The following HCN1 variants were observed in gnomAD, a reference collection of about 807,000 sequenced individuals.
HCN1 encodes the protein hyperpolarization activated cyclic nucleotide gated potassium channel 1, also known as potassium/sodium hyperpolarization-activated cyclic nucleotide-gated channel 1.
A neutral mutation model predicts 78.9 loss-of-function variants in HCN1; 13 were observed. That is an observed-to-expected ratio of 0.16 (90% confidence interval 0.11 to 0.26). The LOEUF is 0.26. Among genes scored for constraint, HCN1 ranks in the 10% least tolerant of loss-of-function variants. The probability of loss-of-function intolerance (pLI) is 1.00; values close to 1 mark genes in which losing one functional copy is unlikely to be tolerated. For synonymous variants in HCN1, 552 were observed against 455.5 expected, an observed-to-expected ratio of 1.21 and a Z score of -2.70; for missense variants, 810 against 1,154.3, an observed-to-expected ratio of 0.70 and a Z score of 4.32.
At chr5:45,602,974 T>C (rs978630753) in intron 2 of HCN1, among the ~76,000 whole-genome samples, 8 of 152,098 alleles carry the variant, frequency 5.3e-5, no homozygotes, top group Non-Finnish European at 8.8e-5. Context: ...TCTGTCCAAT[T>C]CCACAGGGAA....
chr5:45,508,126 A>G (rs1041718749), intron 2 of HCN1, among the ~76,000 whole-genome samples: 14 of 152,168 alleles, frequency 9.2e-5, no homozygotes, highest in African/African-American at 3.4e-4. Flanking sequence ...TTAAAAGCCT[A>G]CTGTGAAAGC....
intron 5 of HCN1, among the ~76,000 whole-genome samples, chr5:45,351,821 A>T (rs1475737822): frequency 6.6e-6 from 1 of 151,782 alleles, no homozygotes; most frequent in Non-Finnish European, 1.5e-5. Flanking sequence ...TCAAAACCAC[A>T]ATGAGACACC....
At chr5:45,313,408 G>A (rs1369429718) in intron 5 of HCN1, among the ~76,000 whole-genome samples, 2 of 152,012 alleles carry the variant, frequency 1.3e-5, no homozygotes, top group Admixed American at 1.3e-4. Flanking sequence ...AAACCACAAA[G>A]GTGGGGAAAA....
At chr5:45,492,423 A>ATATATATATATATATAT (rs1561174289) in intron 2 of HCN1, among the ~76,000 whole-genome samples, 5 of 141,540 alleles carry the variant, frequency 3.5e-5, no homozygotes, top group African/African-American at 7.7e-5. Flanking sequence ...ATATATATAT[A>ATATATATATATATATAT]AAATTTGAAG....
At chr5:45,345,579 T>C (rs1055676979) in intron 5 of HCN1, among the ~76,000 whole-genome samples, 1 of 152,202 alleles carries the variant, frequency 6.6e-6, no homozygotes. Flanking sequence ...AAGATCTCTA[T>C]GGCAGGGGCA....
At chr5:45,443,076 G>T (rs1490296375) in intron 3 of HCN1, among the ~76,000 whole-genome samples, 1 of 152,018 alleles carries the variant, frequency 6.6e-6, no homozygotes, top group Non-Finnish European at 1.5e-5. Context: ...GCCTTCGAAA[G>T]TTGGTGTAAG....
chr5:45,383,087 G>T (rs926166022), intron 4 of HCN1, among the ~76,000 whole-genome samples: 1 of 152,148 alleles, frequency 6.6e-6, no homozygotes, highest in Admixed American at 6.5e-5. Flanking sequence ...TGAAGAAAAT[G>T]AGTCTCTAAG....
At chr5:45,494,085 G>A (rs1279724224) in intron 2 of HCN1, among the ~76,000 whole-genome samples, 1 of 152,090 alleles carries the variant, frequency 6.6e-6, no homozygotes, top group Non-Finnish European at 1.5e-5. Flanking sequence ...CTTTATAGCA[G>A]CATGATTTAT....
intron 2 of HCN1, among the ~76,000 whole-genome samples, chr5:45,503,378 T>C (rs527324172): frequency 1.3e-5 from 2 of 152,100 alleles, no homozygotes; most frequent in East Asian, 3.9e-4. Flanking sequence ...AACGAATAAA[T>C]AGCTAGGGAA....
intron 3 of HCN1, among the ~76,000 whole-genome samples, chr5:45,417,823 T>A (rs1291307781): frequency 7.2e-6 from 1 of 138,562 alleles, no homozygotes; most frequent in Non-Finnish European, 1.5e-5. Context: ...AAAATTTCAA[T>A]CCTCCAAATA....
intron 2 of HCN1, among the ~76,000 whole-genome samples, chr5:45,551,794 T>C (rs1407092051): frequency 6.6e-6 from 1 of 151,968 alleles, no homozygotes; most frequent in Non-Finnish European, 1.5e-5. Flanking sequence ...CAATCTTGAA[T>C]ATAATGAAGA....
At chr5:45,372,163 A>T (rs1579847782) in intron 4 of HCN1, among the ~76,000 whole-genome samples, 1 of 59,514 alleles carries the variant, frequency 1.7e-5, no homozygotes, top group African/African-American at 1.0e-4. Flanking sequence ...ATATGTTATT[A>T]TATATAATTA....
At chr5:45,294,551 A>C (rs1745447766) in intron 6 of HCN1, among the ~76,000 whole-genome samples, 1 of 152,010 alleles carries the variant, frequency 6.6e-6, no homozygotes, top group African/African-American at 2.4e-5. Context: ...TTAAGAGGTG[A>C]ATGAGTAAAG....
At chr5:45,634,287 C>A (rs1008686628) in intron 2 of HCN1, among the ~76,000 whole-genome samples, 3 of 151,904 alleles carry the variant, frequency 2.0e-5, no homozygotes, top group African/African-American at 7.2e-5. Flanking sequence ...CAACAGCCTG[C>A]TAACATGTTA....
chr5:45,682,611 G>A (rs981819048), intron 1 of HCN1, among the ~76,000 whole-genome samples: 2 of 151,848 alleles, frequency 1.3e-5, no homozygotes, highest in African/African-American at 4.8e-5. Context: ...GCCTGGGAGT[G>A]CAGTAATTCA....
intron 5 of HCN1, among the ~76,000 whole-genome samples, chr5:45,337,371 A>G (rs1174879350): frequency 1.3e-5 from 2 of 152,148 alleles, no homozygotes; most frequent in Non-Finnish European, 2.9e-5. Context: ...TACATGGACC[A>G]TAGTATAACT....
intron 3 of HCN1, among the ~76,000 whole-genome samples, chr5:45,434,684 A>G (rs1462101427): frequency 6.6e-6 from 1 of 152,208 alleles, no homozygotes; most frequent in Non-Finnish European, 1.5e-5. Flanking sequence ...TTTGGCACAT[A>G]GAGGATTATA....
intron 5 of HCN1, among the ~76,000 whole-genome samples, chr5:45,329,685 T>C (rs1316625380): frequency 6.6e-6 from 1 of 151,438 alleles, no homozygotes; most frequent in Non-Finnish European, 1.5e-5. Context: ...TGGAATCTTT[T>C]TTAAATTAAC....
In HCN1 at chr5:45,647,096, CCT is replaced by C. The variant is rs1224534772; in HGVS notation, c.426-1490_426-1489del. Reference sequence around the variant, plus strand: ...AAAAACTATAATAGGCCCTATCTCCCCTGTCTCCAGCCTCAGGATGTTGTAAA... The same window carrying C: ...AAAAACTATAATAGGCCCTATCTCCCGTCTCCAGCCTCAGGATGTTGTAAA... On this transcript the variant is annotated intron_variant, in intron 1 of 7. Transcript: ENST00000303230. Among the ~76,000 whole-genome samples the C allele has an allele frequency of 1.3e-4, 20 of 152,220 alleles. No individual in the cohort carries two copies. In the East Asian group the frequency reaches 3.3e-3, roughly 25 times the overall value.
Sources: allele counts gnomAD v4.1 joint callset (sites outside exome capture counted in the v4.1 genomes callset), GRCh38; gene constraint gnomAD v4.1.1; transcripts MANE v1.5; gene names NCBI Gene and HGNC (gene_info 2026-07-23, HGNC 2026-07-21).